Variants in LYPD2 observed in about 807,000 individuals in gnomAD.
LYPD2 encodes the protein ly6/PLAUR domain-containing protein 2.
A neutral mutation model predicts 7.1 loss-of-function variants in LYPD2; 5 were observed. That is an observed-to-expected ratio of 0.70 (90% CI 0.37 to 1.48). The LOEUF (loss-of-function observed/expected upper bound fraction) is 1.48, where lower values mean the gene tolerates loss of function less well. Among genes scored for constraint, LYPD2 ranks in the 40% most tolerant of loss-of-function variants. The pLI is 0.03. For synonymous variants in LYPD2, 78 were observed against 82.0 expected, an observed-to-expected ratio of 0.95 and a Z score of 0.26; for missense variants, 177 against 171.0, an observed-to-expected ratio of 1.04 and a Z score of -0.20.
Position 142,751,136 on chromosome 8 carries a change from G to A in LYPD2, c.93C>T (p.Pro31=). Residue 31 remains proline (P), a synonymous_variant, in exon 2 of 3, where the codon CCC becomes CCT. Coordinates refer to ENST00000359228, the MANE Select transcript of LYPD2 (RefSeq NM_205545.3). ...TGGTGACACAGTCCGACACTCCTGT[G>A]GGCTCCGGACAGACGTAGCAGCGCA... ...PALRCYVCPE[P]TGVSDCVTIA... is the part of the protein sequence containing the mutation. 6.2e-7 allele frequency: 1 copy of A among 1,614,152 alleles called. No homozygotes were observed. The highest frequency in any genetic ancestry group is 1.1e-5 in the South Asian group (1 of 91,074).
Position 142,750,404 on chromosome 8 carries a change from C to T in LYPD2, c.257G>A (p.Gly86Asp). Residue 86 changes from glycine to aspartate, a missense_variant, in exon 3 of 3, where the codon GGC (glycine) becomes GAC (aspartate). Physicochemically the swap from Gly to Asp is moderately conservative, Grantham distance 94. Coordinates refer to ENST00000359228, the MANE Select transcript of LYPD2 (RefSeq NM_205545.3). ...KCKPSDVDGI[G>D]QTLPVSCCNT... ...GCAGCAGGACACGGGCAGGGTCTGG[C>T]CGATGCCATCCACATCCGAGGGCTT... 1.3e-6 allele frequency: 2 copies of T among 1,582,346 alleles called. No individual in the cohort carries two copies. The highest frequency in any genetic ancestry group is 1.8e-5 in the Admixed American group (1 of 55,668).
At chr8:142,750,995 G>GCTGGAGGT (rs1407033993) in intron 2 of LYPD2, 56 bp downstream of exon 2, 2 of 1,611,118 alleles carry the variant, frequency 1.2e-6, no homozygotes, top group Non-Finnish European at 1.7e-6. Context: ...GTGTGACTGG[G>GCTGGAGGT]CTGGAGGTGG....
At chr8:142,750,991 CTG>C in intron 2 of LYPD2, 58 bp downstream of exon 2, 1 of 1,607,680 alleles carries the variant, frequency 6.2e-7, no homozygotes, top group Non-Finnish European at 8.5e-7. Context: ...TAGAGTGTGA[CTG>C]GGCTGGAGGT....
rs1253958448 is a variant in LYPD2, at chr8:142,750,292, G to C, written c.369C>G (p.Leu123=). The C allele has an allele frequency of 1.3e-6, 2 of 1,551,760 alleles. No homozygotes were observed. The highest frequency in any genetic ancestry group is 1.7e-6 in the Non-Finnish European group (2 of 1,147,484). The change falls in exon 3 of 3, where the codon CTC becomes CTG. Residue 123 remains leucine (L), a synonymous_variant. Coordinates refer to ENST00000359228, the MANE Select transcript of LYPD2 (RefSeq NM_205545.3). The stretch of plus-strand genomic sequence containing the variant: ...GGGGTGGGCGGGGACTCTACAGTCG[G>C]AGGCTCAAGAGTGGGAGGAGCGTGA... ...GALTLLPLLS[L]RL
At chr8:142,751,264 G>A in intron 1 of LYPD2, 94 bp from the exon 2 acceptor site, 2 of 1,529,654 alleles carry the variant, frequency 1.3e-6, no homozygotes, top group Non-Finnish European at 1.8e-6. Flanking sequence ...AGAGGACAGT[G>A]ACACTGGCCA....
At chr8:142,750,721 A>G (rs1163504007) in intron 2 of LYPD2, among the ~76,000 whole-genome samples, 2 of 152,242 alleles carry the variant, frequency 1.3e-5, no homozygotes, top group Non-Finnish European at 2.9e-5. Context: ...TTGAAACCAA[A>G]GCCTGTAAGT....
Position 142,752,448 on chromosome 8 carries a change from G to A in LYPD2, c.4C>T (p.Arg2Trp), listed in dbSNP as rs766328861. 20 of 1,613,222 alleles carry A rather than the reference G, an allele frequency of 1.2e-5. No individual in the cohort carries two copies. Among genetic ancestry groups the A allele is most frequent in the African/African-American group, 6.7e-5 (5 of 74,924 alleles). The change falls in exon 1 of 3, where the codon CGG becomes TGG. Residue 2 changes from arginine to tryptophan, a missense_variant. Arg to Trp is a moderately radical substitution (Grantham distance 101). Transcript: ENST00000359228. M[R>W]GTRLALLALV... Reference sequence around the variant, plus strand: ...GCCAGGAGCGCCAGCCGCGTCCCCCGCATGGTCCCGGCCCACTCCTCTGTG... The same window carrying A: ...GCCAGGAGCGCCAGCCGCGTCCCCCACATGGTCCCGGCCCACTCCTCTGTG...
At position 142,750,463 on chromosome 8, in the gene LYPD2, G is replaced by T. The variant is rs149235791; in HGVS notation, c.198C>A (p.Asp66Glu). The part of the protein sequence containing the change: ...SREIVYPFQG[D>E]STVTKSCASK... ...TGGCACAGGACTTGGTCACCGTGGAGTCCCCCTGGAAGGGGTACACTGTGG... is the reference window on the plus strand; with the variant it reads ...TGGCACAGGACTTGGTCACCGTGGATTCCCCCTGGAAGGGGTACACTGTGG... The change falls in exon 3 of 3, where the codon GAC (aspartate) becomes GAA (glutamate). Residue 66 changes from aspartate to glutamate, a missense_variant. Physicochemically the swap from Asp to Glu is conservative, Grantham distance 45 (BLOSUM62 2). Transcript: ENST00000359228. 1 of 1,586,548 alleles carries T rather than the reference G, an allele frequency of 6.3e-7. No individual in the cohort carries two copies. The highest frequency in any genetic ancestry group is 8.6e-7 in the Non-Finnish European group (1 of 1,166,178).
chr8:142,750,268 G>T lies in LYPD2; in HGVS notation c.*15C>A. The stretch of plus-strand genomic sequence containing the variant: ...GGGGCTGGGCCGCATAGGGCCATGG[G>T]GGTGGGCGGGGACTCTACAGTCGGA... On this transcript the variant is annotated 3_prime_UTR_variant, in exon 3 of 3. Transcript: ENST00000359228. The T allele has an allele frequency of 6.5e-7, 1 of 1,549,466 alleles. No individual in the cohort carries two copies.
chr8:142,751,166 C>G lies in LYPD2; in HGVS notation c.63G>C (p.Pro21=). ...LVLAACGELA[P]ALRCYVCPEP... Reference sequence around the variant, plus strand: ...CCGGACAGACGTAGCAGCGCAGGGCCGGCGCTGGGGAGAAGGGACAAGGGC... The same window carrying G: ...CCGGACAGACGTAGCAGCGCAGGGCGGGCGCTGGGGAGAAGGGACAAGGGC... Residue 21 remains proline (P), a synonymous_variant, in exon 2 of 3, where the codon CCG becomes CCC. Coordinates refer to ENST00000359228, the MANE Select transcript of LYPD2 (RefSeq NM_205545.3). 1.2e-6 allele frequency: 2 copies of G among 1,613,934 alleles called. No individual in the cohort carries two copies. The highest frequency in any genetic ancestry group is 8.5e-7 in the Non-Finnish European group (1 of 1,179,990).
Position 142,752,513 on chromosome 8 carries a change from A to C in LYPD2, c.-62T>G, listed in dbSNP as rs1814732114. ...TTGCCTGGCGGGGACAGCAGACACC[A>C]AGTGAGGTGGCGACAGACTGGTCTG... On this transcript the variant is annotated 5_prime_UTR_variant, in exon 1 of 3. Transcript: ENST00000359228. The C allele has an allele frequency of 6.3e-7, 1 of 1,589,170 alleles. No homozygotes were observed. Among genetic ancestry groups the C allele is most frequent in the Admixed American group, 1.7e-5 (1 of 59,044 alleles).
rs750117484 is a variant in LYPD2 at position 142,750,264 on chromosome 8, A to G, written c.*19T>C. On this transcript the variant is annotated 3_prime_UTR_variant, in exon 3 of 3. Coordinates refer to ENST00000359228, the MANE Select transcript of LYPD2 (RefSeq NM_205545.3). ...ATTCGGGGCTGGGCCGCATAGGGCC[A>G]TGGGGGTGGGCGGGGACTCTACAGT... The G allele has an allele frequency of 8.0e-7, 1 of 1,249,144 alleles. No individual in the cohort carries two copies. Among genetic ancestry groups the G allele is most frequent in the South Asian group, 1.3e-5 (1 of 79,014 alleles). The allele number at this position is 1,249,144 out of a possible 1,614,324, so 77.4% of individuals were successfully genotyped here.
intron 2 of LYPD2, among the ~76,000 whole-genome samples, chr8:142,750,755 C>T (rs1004325864): frequency 6.6e-6 from 1 of 152,246 alleles, no homozygotes; most frequent in Admixed American, 6.5e-5. Context: ...CCAGTCCCCC[C>T]AAAACGAGGT....
chr8:142,751,138 G>T lies in LYPD2; in HGVS notation c.91C>A (p.Pro31Thr). 1 of 1,614,150 alleles carries T rather than the reference G, an allele frequency of 6.2e-7. No individual in the cohort carries two copies. The highest frequency in any genetic ancestry group is 8.5e-7 in the Non-Finnish European group (1 of 1,180,022). Reference protein sequence around the residue: ...PALRCYVCPEPTGVSDCVTIA... With the variant: ...PALRCYVCPETTGVSDCVTIA... ...GTGACACAGTCCGACACTCCTGTGG[G>T]CTCCGGACAGACGTAGCAGCGCAGG... is the stretch of plus-strand genomic sequence containing the variant. The change falls in exon 2 of 3, where the codon CCC (proline) becomes ACC (threonine). Residue 31 changes from proline (P) to threonine (T), a missense_variant. Pro to Thr is a conservative substitution (Grantham distance 38). Transcript: ENST00000359228.
chr8:142,752,495 G>T lies in LYPD2; in HGVS notation c.-44C>A. 6.2e-7 allele frequency: 1 copy of T among 1,608,496 alleles called. No homozygotes were observed. Among genetic ancestry groups the T allele is most frequent in the Non-Finnish European group, 8.5e-7 (1 of 1,176,468 alleles). On this transcript the variant is annotated 5_prime_UTR_variant, in exon 1 of 3. Coordinates refer to ENST00000359228, the MANE Select transcript of LYPD2 (RefSeq NM_205545.3). ...TGTGCTCTCACCCCAGGCTTGCCTGGCGGGGACAGCAGACACCAAGTGAGG... is the reference window on the plus strand; with the variant it reads ...TGTGCTCTCACCCCAGGCTTGCCTGTCGGGGACAGCAGACACCAAGTGAGG...
At chr8:142,752,252 G>T in intron 1 of LYPD2, 142 bp downstream of exon 1, 1 of 840,570 alleles carries the variant, frequency 1.2e-6, no homozygotes. Context: ...CCTTATGGCG[G>T]GGGGGCCACA....
At position 142,751,339 on chromosome 8, in the gene LYPD2, C is replaced by T. The variant is rs865971481; in HGVS notation, c.59-169G>A. On this transcript the variant is annotated intron_variant, in intron 1 of 2. Coordinates refer to ENST00000359228, the MANE Select transcript of LYPD2 (RefSeq NM_205545.3). ...CAGGAGCCTGCAGCTGGGGACAGGC[C>T]GGGCTCAGCCTCGGAACCTTGCATC... Among the ~76,000 whole-genome samples, 11 of 152,172 alleles carry T rather than the reference C, an allele frequency of 7.2e-5. No individual in the cohort carries two copies. In the South Asian group the frequency reaches 8.3e-4, roughly 11 times the overall value.
chr8:142,751,140 T>A lies in LYPD2; in HGVS notation c.89A>T (p.Glu30Val). ...GACACAGTCCGACACTCCTGTGGGC[T>A]CCGGACAGACGTAGCAGCGCAGGGC... is the stretch of plus-strand genomic sequence containing the variant. Reference protein sequence around the residue: ...APALRCYVCPEPTGVSDCVTI... With the variant: ...APALRCYVCPVPTGVSDCVTI... The change falls in exon 2 of 3, where the codon GAG becomes GTG. Residue 30 changes from glutamate (E) to valine (V), a missense_variant. Transcript: ENST00000359228. 6.2e-7 allele frequency: 1 copy of A among 1,614,148 alleles called. No homozygotes were observed. The highest frequency in any genetic ancestry group is 1.1e-5 in the South Asian group (1 of 91,080).
chr8:142,752,202 C>G (rs929769962), intron 1 of LYPD2, among the ~76,000 whole-genome samples, 192 bp downstream of exon 1: 1 of 152,098 alleles, frequency 6.6e-6, no homozygotes, highest in Admixed American at 6.5e-5. Flanking sequence ...TTAGGCGTCC[C>G]CCTCACCGCC....
Sources: gnomAD v4.1 joint callset for allele counts (sites outside exome capture counted in the v4.1 genomes callset) on GRCh38, gnomAD v4.1.1 for gene constraint, MANE v1.5 for transcripts, NCBI Gene and HGNC (gene_info 2026-07-23, HGNC 2026-07-21) for gene names.